Variants in PALS1 observed in about 807,000 individuals in gnomAD.
The protein encoded by PALS1 is protein PALS1.
A neutral mutation model predicts 78.9 loss-of-function variants in PALS1; 31 were observed. That is an observed-to-expected ratio of 0.39 (90% CI 0.30 to 0.53). PALS1 has a LOEUF of 0.53. PALS1 is among the 20% of genes least tolerant of loss of function. The pLI is 0.67. For synonymous variants in PALS1, 276 were observed against 270.9 expected (o/e 1.02, Z -0.18); for missense variants, 704 against 826.5 (o/e 0.85, Z 1.82).
At chr14:67,274,397 G>C (rs887096348) in intron 2 of PALS1, among the ~76,000 whole-genome samples, 1 of 151,996 alleles carries the variant, frequency 6.6e-6, no homozygotes, top group Non-Finnish European at 1.5e-5. Context: ...CCCCATTTTT[G>C]TTTTTGTCAG....
chr14:67,274,907 G>C (rs1193368748), intron 2 of PALS1, among the ~76,000 whole-genome samples: 2 of 151,932 alleles, frequency 1.3e-5, no homozygotes, highest in Admixed American at 1.3e-4. Flanking sequence ...GTTCACTCAT[G>C]ATTTGGCTCT....
intron 1 of PALS1, chr14:67,241,845 G>A (rs1595553336): frequency 6.6e-6 from 1 of 152,230 alleles, no homozygotes; most frequent in Admixed American, 6.5e-5. Context: ...GGCGCGGCGG[G>A]GAGTCGTCTG....
chr14:67,330,455 ATTT>A (rs533831095), intron 14 of PALS1, among the ~76,000 whole-genome samples: 17,206 of 117,574 alleles, frequency 0.15, 1,756 homozygotes, highest in East Asian at 0.36. Context: ...ATTTCCCTTC[ATTT>A]TTTTTTTTTT....
At chr14:67,293,075 TA>T (rs2084799048) in intron 4 of PALS1, among the ~76,000 whole-genome samples, 1 of 152,272 alleles carries the variant, frequency 6.6e-6, no homozygotes, top group East Asian at 1.9e-4. Context: ...ACTGATGAGA[TA>T]ATTATAACTG....
At chr14:67,253,923 G>A (rs1040880386) in intron 1 of PALS1, among the ~76,000 whole-genome samples, 1 of 146,116 alleles carries the variant, frequency 6.8e-6, no homozygotes, top group Admixed American at 6.9e-5. Flanking sequence ...TAGAGCATTT[G>A]TTTACTGATA....
intron 8 of PALS1, among the ~76,000 whole-genome samples, chr14:67,305,157 T>C (rs2084982479): frequency 6.6e-6 from 1 of 152,224 alleles, no homozygotes; most frequent in South Asian, 2.1e-4. Flanking sequence ...ACTTCAAAAG[T>C]AGCTCTGCAA....
At chr14:67,278,984 C>G in intron 2 of PALS1, 34 bp from the exon 3 acceptor site, 1 of 524,320 alleles carries the variant, frequency 1.9e-6, no homozygotes, top group Non-Finnish European at 3.2e-6. Context: ...TATTGTAATT[C>G]TTACACTTTT....
At chr14:67,301,826 A>G in intron 5 of PALS1, 146 bp from the exon 6 acceptor site, 1 of 945,942 alleles carries the variant, frequency 1.1e-6, no homozygotes, top group South Asian at 2.3e-5. Flanking sequence ...CCCTTAGTAT[A>G]CTTAACACAT....
At chr14:67,308,767 T>C (rs2085047322) in intron 8 of PALS1, among the ~76,000 whole-genome samples, 1 of 152,046 alleles carries the variant, frequency 6.6e-6, no homozygotes. Context: ...TTAAAAAACA[T>C]TGAACATGTC....
At chr14:67,245,278 A>G (rs1316254018) in intron 1 of PALS1, among the ~76,000 whole-genome samples, 1 of 152,190 alleles carries the variant, frequency 6.6e-6, no homozygotes, top group African/African-American at 2.4e-5. Flanking sequence ...CCAGCAATAT[A>G]TGAGAGGTCA....
chr14:67,275,858 T>C (rs1337000026), intron 2 of PALS1, among the ~76,000 whole-genome samples: 1 of 152,226 alleles, frequency 6.6e-6, no homozygotes, highest in African/African-American at 2.4e-5. Context: ...GGAGGGTATA[T>C]GTGTCCAGGA....
At chr14:67,255,618 T>G (rs1010411917) in intron 1 of PALS1, among the ~76,000 whole-genome samples, 2 of 152,240 alleles carry the variant, frequency 1.3e-5, no homozygotes, top group African/African-American at 4.8e-5. Context: ...GCTTGAGAGA[T>G]AACACTTCGA....
intron 14 of PALS1, among the ~76,000 whole-genome samples, chr14:67,324,076 A>G (rs1312275875): frequency 6.6e-6 from 1 of 152,150 alleles, no homozygotes; most frequent in Non-Finnish European, 1.5e-5. Context: ...GACTGCCACC[A>G]AAGTTATCAG....
intron 8 of PALS1, among the ~76,000 whole-genome samples, chr14:67,310,803 C>G (rs2140940213): frequency 6.6e-6 from 1 of 152,010 alleles, no homozygotes; most frequent in Non-Finnish European, 1.5e-5. Flanking sequence ...AATGACAAGC[C>G]AAAAATTTTT....
At chr14:67,251,874 C>CTTCAA (rs1478992796) in intron 1 of PALS1, among the ~76,000 whole-genome samples, 1 of 152,200 alleles carries the variant, frequency 6.6e-6, no homozygotes, top group African/African-American at 2.4e-5. Flanking sequence ...GGGGCCCCAC[C>CTTCAA]TTCAACCTCT....
intron 1 of PALS1, chr14:67,254,305 G>A (rs1421780685): frequency 6.6e-6 from 1 of 150,662 alleles, no homozygotes; most frequent in Non-Finnish European, 1.5e-5. Context: ...CTTGTTGAAT[G>A]AAAAGGTAGT....
intron 1 of PALS1, among the ~76,000 whole-genome samples, chr14:67,248,845 A>G: frequency 6.7e-6 from 1 of 150,290 alleles, no homozygotes; most frequent in East Asian, 1.9e-4. Flanking sequence ...TTTGAGATAG[A>G]GATGGGGTCT....
At chr14:67,330,024 A>G (rs1006081707) in intron 14 of PALS1, among the ~76,000 whole-genome samples, 31 of 151,050 alleles carry the variant, frequency 2.1e-4, no homozygotes, top group African/African-American at 7.3e-4. Flanking sequence ...TCTTGTATGT[A>G]TTGTTAAAGT....
At chr14:67,331,270 C>T (rs146819643) in intron 14 of PALS1, among the ~76,000 whole-genome samples, 6 of 152,272 alleles carry the variant, frequency 3.9e-5, no homozygotes, top group African/African-American at 7.2e-5. Context: ...GTCTCAAGCT[C>T]CCGGCCCCAT....
Sources: gnomAD v4.1 joint callset for allele counts (sites outside exome capture counted in the v4.1 genomes callset) on GRCh38, gnomAD v4.1.1 for gene constraint, MANE v1.5 for transcripts, NCBI Gene and HGNC (gene_info 2026-07-23, HGNC 2026-07-21) for gene names.